Variants in TP53I13 observed in about 807,000 individuals in gnomAD.
TP53I13 encodes tumor protein p53 inducible protein 13.
A neutral mutation model predicts 39.1 loss-of-function variants in TP53I13; 27 were observed. The observed-to-expected ratio is 0.69, with a 90% CI of 0.51 to 0.95. The LOEUF is 0.95. Ranked by LOEUF, TP53I13 falls within the 40% of genes least tolerant of loss-of-function variation. The probability of loss-of-function intolerance (pLI) is 0.00; values close to 1 mark genes in which losing one functional copy is unlikely to be tolerated. For synonymous variants in TP53I13, 230 were observed against 224.6 expected (o/e 1.02, Z -0.22); for missense variants, 544 against 520.4 (o/e 1.05, Z -0.44).
upstream of TP53I13, chr17:29,567,156 C>T (rs2032740720): frequency 4.1e-6 from 1 of 242,324 alleles, no homozygotes; most frequent in Non-Finnish European, 7.2e-6. The surrounding 1 kb of genome is among the most constrained non-coding windows in gnomAD (Gnocchi z 6.6). Flanking sequence ...CGCCCCCCAC[C>T]CCCGCCCCGG....
chr17:29,577,694 G>A (rs769984764), downstream of TP53I13: 79 of 1,612,618 alleles, frequency 4.9e-5, no homozygotes, highest in Admixed American at 1.7e-5. Context: ...GAAGGGCACG[G>A]CACTGCGCTC....
downstream of TP53I13, chr17:29,575,506 C>G (rs376833810): frequency 6.8e-5 from 108 of 1,584,188 alleles, no homozygotes; most frequent in Non-Finnish European, 8.5e-5. The surrounding 1 kb of genome is among the most constrained non-coding windows in gnomAD (Gnocchi z 5.5). Context: ...GACAAAGATA[C>G]ATATAGAGAA....
chr17:29,569,496 C>T (rs1333111976), intron 3 of TP53I13, 137 bp downstream of exon 3: 9 of 788,830 alleles, frequency 1.1e-5, no homozygotes, highest in East Asian at 2.7e-5. Flanking sequence ...TTCTAGTTCT[C>T]TGCCCCACCT....
At chr17:29,582,290 C>T in the TP53I13 span, 1 of 633,878 alleles carries the variant, frequency 1.6e-6, no homozygotes, top group Non-Finnish European at 2.8e-6. Context: ...ACAGAGGCTT[C>T]CCGCTAGGGG....
chr17:29,577,556 A>G, downstream of TP53I13: 1 of 867,866 alleles, frequency 1.2e-6, no homozygotes, highest in Admixed American at 1.8e-5. Flanking sequence ...AATGCTGGAG[A>G]GCTGGCTCAG....
downstream of TP53I13, chr17:29,575,710 G>A: frequency 1.2e-6 from 2 of 1,612,486 alleles, no homozygotes; most frequent in East Asian, 4.5e-5. The surrounding 1 kb of genome is among the most constrained non-coding windows in gnomAD (Gnocchi z 5.5). Flanking sequence ...TGCTCTGGAG[G>A]GCGGAGGGAA....
chr17:29,578,797 T>C, the TP53I13 span: 4 of 1,613,156 alleles, frequency 2.5e-6, no homozygotes, highest in Non-Finnish European at 3.4e-6. Context: ...CAGAGGGAGA[T>C]GGGAATTGGG....
At chr17:29,574,638 G>T, downstream of TP53I13, 1 of 1,285,458 alleles carries the variant, frequency 7.8e-7, no homozygotes, top group Non-Finnish European at 1.1e-6. Context: ...ATTAATGTCT[G>T]GAGTGGCCCA....
chr17:29,579,022 A>G, the TP53I13 span: 1 of 1,610,454 alleles, frequency 6.2e-7, no homozygotes, highest in Non-Finnish European at 8.5e-7. Flanking sequence ...AGGGAAGAAC[A>G]GGACAGAGGC....
upstream of TP53I13, chr17:29,566,498 G>A (rs759093725): frequency 6.2e-7 from 1 of 1,611,592 alleles, no homozygotes; most frequent in East Asian, 2.2e-5. Flanking sequence ...AGCACCGCAG[G>A]AAGGCCCCCG....
upstream of TP53I13, chr17:29,566,712 G>A (rs2150792123): frequency 6.3e-7 from 1 of 1,580,174 alleles, no homozygotes; most frequent in Admixed American, 1.8e-5. Context: ...GCCGCAGGGC[G>A]CGCAGCAGGC....
At chr17:29,573,185 G>A (rs2033037835), downstream of TP53I13, 3 of 361,540 alleles carry the variant, frequency 8.3e-6, no homozygotes, top group Non-Finnish European at 1.5e-5. Context: ...TGCATCTGCC[G>A]CACAGAGACT....
At chr17:29,578,321 C>T in the TP53I13 span, 55 of 1,613,970 alleles carry the variant, frequency 3.4e-5, no homozygotes, top group Non-Finnish European at 4.3e-5. Context: ...CTCTTCGATC[C>T]ACCTCGTCAT....
chr17:29,581,750 C>T, the TP53I13 span: 12 of 1,609,678 alleles, frequency 7.5e-6, no homozygotes, highest in South Asian at 8.8e-5. The surrounding 1 kb of genome is among the most constrained non-coding windows in gnomAD (Gnocchi z 4.8). Context: ...ACCCGGCTTG[C>T]GTCCACAGAG....
intron 3 of TP53I13, chr17:29,571,165 A>T (rs983969101): frequency 1.1e-5 from 2 of 185,700 alleles, no homozygotes; most frequent in Non-Finnish European, 2.3e-5. Context: ...GAGTATTTCC[A>T]TCCTGAGATT....
chr17:29,581,855 G>C, the TP53I13 span: 250 of 1,610,992 alleles, frequency 1.6e-4, no homozygotes, highest in African/African-American at 3.1e-3. This position sits in a 1 kb window ranked among gnomAD's most constrained non-coding sequence, Gnocchi z 4.8. Flanking sequence ...AGGGGGTATG[G>C]CTCAGACCTG....
At chr17:29,568,594 A>G (rs1458223738), upstream of TP53I13, 1 of 209,416 alleles carries the variant, frequency 4.8e-6, no homozygotes, top group Non-Finnish European at 8.3e-6. This position sits in a 1 kb window ranked among gnomAD's most constrained non-coding sequence, Gnocchi z 4.5. Context: ...GGGCGGGGCG[A>G]TACCGGGGGC....
At chr17:29,576,733 G>C (rs955514571), downstream of TP53I13, 79 of 1,604,790 alleles carry the variant, frequency 4.9e-5, no homozygotes, top group African/African-American at 9.2e-4. Context: ...ACACCCGCAG[G>C]GGGCAGTTAT....
chr17:29,566,938 A>G, upstream of TP53I13: 1 of 1,430,140 alleles, frequency 7.0e-7, no homozygotes, highest in Non-Finnish European at 9.1e-7. Flanking sequence ...GGCCAAGATG[A>G]GCGCGAGGGC....
Sources: gnomAD v4.1 joint callset for allele counts on GRCh38, gnomAD v4.1.1 for gene constraint, Gnocchi (gnomAD v3.1) non-coding constraint, MANE v1.5 for transcripts, NCBI Gene and HGNC (gene_info 2026-07-23, HGNC 2026-07-21) for gene names.